The following RALYL variants were observed in gnomAD, a reference collection of about 807,000 sequenced individuals.
RALYL encodes the protein RALY RNA binding protein like, also known as RNA-binding Raly-like protein.
RALYL carries 29 observed loss-of-function variants against 35.1 expected under a neutral mutation model. That is an observed-to-expected ratio of 0.83 (90% CI 0.61 to 1.13). The LOEUF is 1.13. RALYL is among the 50% of genes most tolerant of loss of function. The pLI is 0.00. For missense variants in RALYL, 359 were observed against 360.4 expected, an observed-to-expected ratio of 1.00 and a Z score of 0.03; for synonymous variants, 120 against 127.6, an observed-to-expected ratio of 0.94 and a Z score of 0.40.
intron 2 of RALYL, among the ~76,000 whole-genome samples, chr8:84,653,277 G>A (rs1475118333): frequency 6.6e-6 from 1 of 151,998 alleles, no homozygotes; most frequent in Non-Finnish European, 1.5e-5. Flanking sequence ...AGTCAAAAGA[G>A]TTCTAAGAAA....
intron 1 of RALYL, among the ~76,000 whole-genome samples, chr8:84,399,288 A>G (rs1003084731): frequency 6.6e-6 from 1 of 152,190 alleles, no homozygotes; most frequent in African/African-American, 2.4e-5. Flanking sequence ...AGTCTTAGAA[A>G]TAGTTTCTGT....
intron 2 of RALYL, among the ~76,000 whole-genome samples, chr8:84,709,582 C>A (rs192801833): frequency 6.6e-6 from 1 of 151,550 alleles, no homozygotes; most frequent in Admixed American, 6.6e-5. Context: ...ATAGTACATG[C>A]AGCCCTCATT....
chr8:84,365,268 C>T (rs954561404), intron 1 of RALYL, among the ~76,000 whole-genome samples: 3 of 152,138 alleles, frequency 2.0e-5, no homozygotes. Context: ...TCTTCTCTTA[C>T]ATATTGAAGA....
chr8:84,880,721 T>C (rs1438191542), intron 7 of RALYL, among the ~76,000 whole-genome samples: 1 of 152,024 alleles, frequency 6.6e-6, no homozygotes, highest in Non-Finnish European at 1.5e-5. Context: ...GACTTAGTGA[T>C]TTTACCAAGT....
chr8:84,310,094 G>A (rs989246600), intron 1 of RALYL, among the ~76,000 whole-genome samples: 1 of 151,360 alleles, frequency 6.6e-6, no homozygotes, highest in Non-Finnish European at 1.5e-5. Flanking sequence ...TGTCACACAG[G>A]CTGGAGTGCA....
At chr8:84,605,196 G>T (rs1165118899) in intron 2 of RALYL, among the ~76,000 whole-genome samples, 1 of 151,996 alleles carries the variant, frequency 6.6e-6, no homozygotes, top group East Asian at 1.9e-4. Flanking sequence ...TTCATTTGAG[G>T]ATTTTCAATA....
intron 2 of RALYL, among the ~76,000 whole-genome samples, chr8:84,769,748 A>G (rs921808154): frequency 1.3e-5 from 2 of 152,106 alleles, no homozygotes; most frequent in African/African-American, 2.4e-5. Context: ...GAGAAAAACA[A>G]AAACAAACAA....
chr8:84,293,364 A>C (rs1319480955), intron 1 of RALYL, among the ~76,000 whole-genome samples: 2 of 152,150 alleles, frequency 1.3e-5, no homozygotes, highest in Non-Finnish European at 2.9e-5. Context: ...CTGAGGGATT[A>C]TTCTTCTTTA....
chr8:84,567,130 G>T (rs1294149300), intron 2 of RALYL, among the ~76,000 whole-genome samples: 1 of 151,714 alleles, frequency 6.6e-6, no homozygotes, highest in East Asian at 1.9e-4. Context: ...TATAAATTCT[G>T]ATCATTAATC....
At chr8:84,334,233 A>G (rs1022970252) in intron 1 of RALYL, among the ~76,000 whole-genome samples, 18 of 152,072 alleles carry the variant, frequency 1.2e-4, no homozygotes, top group Admixed American at 9.8e-4. Context: ...TAGCACTTTT[A>G]TCTCACCATA....
chr8:84,836,107 C>T (rs1195191428), intron 4 of RALYL, among the ~76,000 whole-genome samples: 1 of 152,084 alleles, frequency 6.6e-6, no homozygotes, highest in African/African-American at 2.4e-5. Flanking sequence ...TAACAACATA[C>T]CCCATTCAAA....
chr8:84,611,325 C>T (rs1818263397), intron 2 of RALYL, among the ~76,000 whole-genome samples: 1 of 152,012 alleles, frequency 6.6e-6, no homozygotes, highest in African/African-American at 2.4e-5. Context: ...TGTTTATATA[C>T]ACATTTTTCC....
chr8:84,601,790 A>G (rs1357098608), intron 2 of RALYL, among the ~76,000 whole-genome samples: 2 of 152,064 alleles, frequency 1.3e-5, no homozygotes, highest in Admixed American at 1.3e-4. Context: ...TTGAAGCTTA[A>G]TGGAAACTTA....
intron 1 of RALYL, among the ~76,000 whole-genome samples, chr8:84,458,125 T>C (rs915741546): frequency 2.0e-5 from 3 of 151,912 alleles, no homozygotes; most frequent in Non-Finnish European, 2.9e-5. Flanking sequence ...TCAACTTAAT[T>C]CTTTCATTTG....
intron 1 of RALYL, among the ~76,000 whole-genome samples, chr8:84,366,732 C>A (rs956389513): frequency 7.7e-6 from 1 of 130,710 alleles, no homozygotes; most frequent in African/African-American, 2.8e-5. Flanking sequence ...CCACTGCACT[C>A]CAGCCTGGAG....
chr8:84,196,424 T>TA (rs1210752172), intron 1 of RALYL, among the ~76,000 whole-genome samples: 1 of 152,208 alleles, frequency 6.6e-6, no homozygotes, highest in Non-Finnish European at 1.5e-5. Context: ...AAAGACATAT[T>TA]AAAAAAGTTA....
chr8:84,600,050 T>C (rs1815556256), intron 2 of RALYL, among the ~76,000 whole-genome samples: 2 of 151,938 alleles, frequency 1.3e-5, no homozygotes, highest in African/African-American at 2.4e-5. Flanking sequence ...TGATCGGTAA[T>C]ATCCTAAGCA....
intron 1 of RALYL, among the ~76,000 whole-genome samples, chr8:84,197,247 G>A (rs1380280194): frequency 6.6e-6 from 1 of 151,968 alleles, no homozygotes; most frequent in Admixed American, 6.6e-5. Context: ...CCATAAATGT[G>A]GAAAATCAAG....
intron 2 of RALYL, among the ~76,000 whole-genome samples, chr8:84,617,771 A>T (rs1397544389): frequency 6.6e-6 from 1 of 151,328 alleles, no homozygotes; most frequent in Non-Finnish European, 1.5e-5. Context: ...CGTCCCATCA[A>T]TACCTAATTT....
Sources: allele counts gnomAD v4.1 joint callset (sites outside exome capture counted in the v4.1 genomes callset), GRCh38; gene constraint gnomAD v4.1.1; transcripts MANE v1.5; gene names NCBI Gene and HGNC (gene_info 2026-07-23, HGNC 2026-07-21).